ZNF594: variants seen among roughly 807,000 people sequenced by gnomAD.
The protein encoded by ZNF594 is zinc finger protein 594.
For missense variants in ZNF594, 1,037 were observed against 964.6 expected (o/e 1.08, Z -0.99); for synonymous variants, 336 against 309.4 (o/e 1.09, Z -0.90).
At chr17:5,177,785 G>A (rs1250855665), downstream of ZNF594, among the ~76,000 whole-genome samples, 9 of 152,120 alleles carry the variant, frequency 5.9e-5, no homozygotes, top group South Asian at 2.1e-4. Flanking sequence ...GCAGTGAGCC[G>A]AGATTGCGCC....
At chr17:5,188,450 T>C (rs143583621) in intron 1 of ZNF594, among the ~76,000 whole-genome samples, 4 of 152,300 alleles carry the variant, frequency 2.6e-5, no homozygotes, top group African/African-American at 9.6e-5. Context: ...GTTCCCATAG[T>C]ACTTTTTAAT....
intron 1 of ZNF594, among the ~76,000 whole-genome samples, chr17:5,186,119 C>T (rs748603025): frequency 3.3e-5 from 5 of 152,198 alleles, no homozygotes; most frequent in Admixed American, 6.5e-5. Context: ...ATGGTGGCTT[C>T]GACCCCACAT....
At chr17:5,185,569 C>T (rs1244350162) in intron 1 of ZNF594, among the ~76,000 whole-genome samples, 1 of 152,160 alleles carries the variant, frequency 6.6e-6, no homozygotes, top group Non-Finnish European at 1.5e-5. Flanking sequence ...CATTTCAAAA[C>T]CAATCATGCC....
the ZNF594 span, chr17:5,174,478 T>G: frequency 5.3e-6 from 1 of 190,392 alleles, no homozygotes; most frequent in Non-Finnish European, 1.1e-5. Context: ...AATGGCTACC[T>G]AAATTGAAAT....
rs2144249903 is a variant in ZNF594 at position 5,183,924 on chromosome 17, C to G, written c.333G>C (p.Lys111Asn). 6.2e-7 allele frequency: 1 copy of G among 1,613,834 alleles called. No individual in the cohort carries two copies. Among genetic ancestry groups the G allele is most frequent in the East Asian group, 2.2e-5 (1 of 44,884 alleles). The change falls in exon 2 of 2, where the codon AAG becomes AAC. Residue 111 changes from lysine (K) to asparagine (N), a missense_variant. Transcript: ENST00000575779. ...TTTTCTGATGTTCAGTTAATCCTGA[C>G]TTCTGTTTGAAGTTTTGGCCACTAA... ...YEVSGQNFKQ[K>N]SGLTEHQKIH... is the part of the protein sequence containing the mutation.
chr17:5,186,175 C>A (rs1052418580), intron 1 of ZNF594, among the ~76,000 whole-genome samples: 2 of 152,228 alleles, frequency 1.3e-5, no homozygotes, highest in Non-Finnish European at 2.9e-5. Flanking sequence ...GAGATCCCTG[C>A]CCCTGCAGCA....
chr17:5,188,453 T>G (rs2074400842), intron 1 of ZNF594, among the ~76,000 whole-genome samples: 1 of 152,166 alleles, frequency 6.6e-6, no homozygotes, highest in Admixed American at 6.5e-5. Flanking sequence ...CCCATAGTAC[T>G]TTTTAATAAA....
downstream of ZNF594, among the ~76,000 whole-genome samples, chr17:5,178,867 T>C (rs1027611776): frequency 6.6e-6 from 1 of 152,190 alleles, no homozygotes; most frequent in African/African-American, 2.4e-5. Flanking sequence ...CTATCTGCAC[T>C]AGAAATGACC....
downstream of ZNF594, among the ~76,000 whole-genome samples, chr17:5,177,148 A>T (rs574509413): frequency 1.3e-5 from 2 of 151,740 alleles, no homozygotes; most frequent in African/African-American, 2.4e-5. Context: ...GTGAGCCGAG[A>T]TCGCACCACT....
Position 5,181,146 on chromosome 17 carries a change from T to C in ZNF594, c.*687A>G, listed in dbSNP as rs768509199. The C allele has an allele frequency of 3.1e-6, 5 of 1,604,266 alleles. No homozygotes were observed. Among genetic ancestry groups the C allele is most frequent in the East Asian group, 2.2e-5 (1 of 44,854 alleles). The stretch of plus-strand genomic sequence containing the variant: ...GGCCTTCCAACATTCAGGGCATTCA[T>C]AGGGTTTCTCTCCAGTATGAACACG... On this transcript the variant is annotated 3_prime_UTR_variant, in exon 2 of 2. Coordinates refer to ENST00000575779, the MANE Select transcript of ZNF594 (RefSeq NM_032530.2).
Position 5,183,550 on chromosome 17 carries a change from C to G in ZNF594, c.707G>C (p.Gly236Ala), listed in dbSNP as rs546541954. The G allele has an allele frequency of 6.2e-7, 1 of 1,614,126 alleles. No individual in the cohort carries two copies. The highest frequency in any genetic ancestry group is 1.1e-5 in the South Asian group (1 of 91,082). The change falls in exon 2 of 2, where the codon GGG (glycine) becomes GCG (alanine). Residue 236 changes from glycine (G) to alanine (A), a missense_variant. Gly to Ala is a moderately conservative substitution (Grantham distance 60). Transcript: ENST00000575779. ...LVLHQRIHSR[G>A]KPYLCNKCGK... ...ACATTTATTGCATAAATATGGCTTCCCCCTACTGTGGATTCTCTGGTGCAG... is the reference window on the plus strand; with the variant it reads ...ACATTTATTGCATAAATATGGCTTCGCCCTACTGTGGATTCTCTGGTGCAG...
At chr17:5,191,181 CAA>C (rs1362297556) in intron 1 of ZNF594, among the ~76,000 whole-genome samples, 1 of 152,114 alleles carries the variant, frequency 6.6e-6, no homozygotes, top group Non-Finnish European at 1.5e-5. Flanking sequence ...TAATTTGTCT[CAA>C]AGTGTGGCGT....
chr17:5,180,064 T>C lies in ZNF594; in HGVS notation c.*1769A>G, dbSNP rs1009461956. 2.9e-5 allele frequency: 4 copies of C among 140,350 alleles called. No individual in the cohort carries two copies. Among genetic ancestry groups the C allele is most frequent in the South Asian group, 2.2e-4 (1 of 4,464 alleles). The allele number at this position is 140,350 out of a possible 1,614,324, so 8.7% of individuals were successfully genotyped here. ...GTAAAGACAAGCAGAAGAGTTAGAC[T>C]TTTTTTTTTTTTTGAGATGGAGTTT... On this transcript the variant is annotated 3_prime_UTR_variant, in exon 2 of 2. Coordinates refer to ENST00000575779, the MANE Select transcript of ZNF594 (RefSeq NM_032530.2).
Position 5,182,111 on chromosome 17 carries a change from G to A in ZNF594, c.2146C>T (p.Leu716Phe). The change falls in exon 2 of 2, where the codon CTC becomes TTC. Residue 716 changes from leucine (L) to phenylalanine (F), a missense_variant. Transcript: ENST00000575779. Reference sequence around the variant, plus strand: ...AGGAAAGCCGTGTGCCACATGAAGAGTTTCCCACATTCCTTACATTCATAG... The same window carrying A: ...AGGAAAGCCGTGTGCCACATGAAGAATTTCCCACATTCCTTACATTCATAG... ...KPYECKECGK[L>F]FMWHTAFLKH... 6.2e-7 allele frequency: 1 copy of A among 1,613,520 alleles called. No individual in the cohort carries two copies. Among genetic ancestry groups the A allele is most frequent in the Non-Finnish European group, 8.5e-7 (1 of 1,179,958 alleles).
Position 5,183,645 on chromosome 17 carries a change from A to G in ZNF594, c.612T>C (p.Ile204=), listed in dbSNP as rs182103160. ...QSSNLVRHKQ[I]HSGGNPYECK... ...ACTCATAGGGATTCCCACCACTGTG[A>G]ATTTGCTTATGTCTCACCAGATTGG... is the stretch of plus-strand genomic sequence containing the variant. Residue 204 remains isoleucine (I), a synonymous_variant, in exon 2 of 2, where the codon ATT becomes ATC. Coordinates refer to ENST00000575779, the MANE Select transcript of ZNF594 (RefSeq NM_032530.2). 6.2e-7 allele frequency: 1 copy of G among 1,614,196 alleles called. No individual in the cohort carries two copies. The highest frequency in any genetic ancestry group is 2.2e-5 in the East Asian group (1 of 44,874).
In ZNF594 at chr17:5,182,935, A is replaced by G; in HGVS notation, c.1322T>C (p.Phe441Ser). The change falls in exon 2 of 2, where the codon TTT becomes TCT. Residue 441 changes from phenylalanine to serine, a missense_variant. Phe to Ser is a radical substitution (Grantham distance 155). Transcript: ENST00000575779. Reference protein sequence around the residue: ...PCVCSKCGKSFRGSSDLIRHH... With the variant: ...PCVCSKCGKSSRGSSDLIRHH... ...TCTAATAAGATCTGAGCTGCCCCTA[A>G]AAGATTTCCCACATTTGCTACATAC... The G allele has an allele frequency of 2.5e-6, 4 of 1,614,068 alleles. No homozygotes were observed. The highest frequency in any genetic ancestry group is 3.4e-6 in the Non-Finnish European group (4 of 1,180,004).
downstream of ZNF594, among the ~76,000 whole-genome samples, chr17:5,175,201 C>A (rs749082369): frequency 6.6e-6 from 1 of 152,182 alleles, no homozygotes; most frequent in South Asian, 2.1e-4. Flanking sequence ...TGTTAGGAAC[C>A]GGGCTGCACA....
At chr17:5,184,494 G>T in intron 1 of ZNF594, 1 of 511,938 alleles carries the variant, frequency 2.0e-6, no homozygotes. Flanking sequence ...GGCTGGAGCT[G>T]GGCTGTGGGA....
downstream of ZNF594, among the ~76,000 whole-genome samples, chr17:5,175,245 G>A (rs188976798): frequency 5.9e-5 from 9 of 152,256 alleles, no homozygotes; most frequent in East Asian, 3.9e-4. Flanking sequence ...ATTTATAGCC[G>A]CTCCCCCTTG....
Sources: gnomAD v4.1 joint callset for allele counts (sites outside exome capture counted in the v4.1 genomes callset) on GRCh38, gnomAD v4.1.1 for gene constraint, MANE v1.5 for transcripts, NCBI Gene and HGNC (gene_info 2026-07-23, HGNC 2026-07-21) for gene names.